Variants in PDE8A observed in about 807,000 individuals in gnomAD.
PDE8A encodes phosphodiesterase 8A, also known as high affinity cAMP-specific and IBMX-insensitive 3',5'-cyclic phosphodiesterase 8A.
A neutral mutation model predicts 105.0 loss-of-function variants in PDE8A; 59 were observed. The ratio of observed to expected loss-of-function variants is 0.56; its 90% CI spans 0.46 to 0.70. The LOEUF is 0.70. Ranked by LOEUF, PDE8A falls within the 30% of genes least tolerant of loss-of-function variation. PDE8A has a pLI of 0.00. For synonymous variants in PDE8A, 355 were observed against 371.9 expected, an observed-to-expected ratio of 0.95 and a Z score of 0.52; for missense variants, 1,014 against 1,045.9, an observed-to-expected ratio of 0.97 and a Z score of 0.42.
chr15:85,010,994 T>G (rs577781703), intron 1 of PDE8A, among the ~76,000 whole-genome samples: 1 of 152,222 alleles, frequency 6.6e-6, no homozygotes, highest in Admixed American at 6.5e-5. Context: ...AAATATGTCC[T>G]GGAAGTTAGT....
intron 1 of PDE8A, among the ~76,000 whole-genome samples, chr15:85,060,117 GTCT>G (rs1315268029): frequency 6.6e-6 from 1 of 152,072 alleles, no homozygotes; most frequent in East Asian, 1.9e-4. Flanking sequence ...TTTAATTACT[GTCT>G]TCTTTTGTGT....
At chr15:85,027,044 GTTCT>G (rs1206082787) in intron 1 of PDE8A, among the ~76,000 whole-genome samples, 1 of 152,130 alleles carries the variant, frequency 6.6e-6, no homozygotes, top group Non-Finnish European at 1.5e-5. Context: ...CTATTGTGTG[GTTCT>G]TTGTTATAAA....
chr15:84,992,281 G>A (rs1033860443), intron 1 of PDE8A, among the ~76,000 whole-genome samples: 1 of 152,136 alleles, frequency 6.6e-6, no homozygotes. Context: ...GGTATAGAAA[G>A]AGGAAAGGAG....
At chr15:85,061,399 A>G (rs62019477) in intron 1 of PDE8A, among the ~76,000 whole-genome samples, 3 of 151,210 alleles carry the variant, frequency 2.0e-5, no homozygotes, top group Non-Finnish European at 2.9e-5. Flanking sequence ...ACACCCAGCT[A>G]ATTTTTTTTT....
At chr15:85,062,523 T>C (rs1315000629) in intron 1 of PDE8A, 1 of 152,236 alleles carries the variant, frequency 6.6e-6, no homozygotes, top group African/African-American at 2.4e-5. Context: ...GGAGGGGGAA[T>C]GGCTTGCAAC....
intron 11 of PDE8A, among the ~76,000 whole-genome samples, chr15:85,102,353 C>CCT (rs1210297178): frequency 1.3e-5 from 2 of 152,110 alleles, no homozygotes; most frequent in African/African-American, 4.8e-5. Context: ...TTGTGCTTTG[C>CCT]ATTCAAGAGC....
At chr15:85,113,700 A>G (rs1411505300) in intron 13 of PDE8A, among the ~76,000 whole-genome samples, 173 bp from the exon 14 acceptor site, 3 of 152,118 alleles carry the variant, frequency 2.0e-5, no homozygotes, top group Admixed American at 2.0e-4. Context: ...TTTGTTTTTT[A>G]GAGATGTGCT....
intron 1 of PDE8A, among the ~76,000 whole-genome samples, chr15:85,056,115 T>G (rs1241523839): frequency 6.6e-6 from 1 of 152,192 alleles, no homozygotes; most frequent in Non-Finnish European, 1.5e-5. Context: ...ATTCTTTTCT[T>G]TAAGAATGTT....
intron 20 of PDE8A, among the ~76,000 whole-genome samples, chr15:85,134,241 C>A (rs973975668): frequency 2.0e-4 from 31 of 152,226 alleles, no homozygotes; most frequent in Admixed American, 1.6e-3. Flanking sequence ...GACAGAACAG[C>A]CTCTGGATGA....
At chr15:85,062,489 A>C (rs894699694) in intron 1 of PDE8A, 1 of 152,280 alleles carries the variant, frequency 6.6e-6, no homozygotes, top group African/African-American at 2.4e-5. Context: ...TAGCCCTTTA[A>C]ATCTCCTAGA....
chr15:84,994,338 G>T (rs548133033), intron 1 of PDE8A, among the ~76,000 whole-genome samples: 1 of 152,272 alleles, frequency 6.6e-6, no homozygotes, highest in East Asian at 1.9e-4. Flanking sequence ...TTTTTATTGA[G>T]TTATAAATGT....
chr15:85,121,688 T>A (rs1296634152), intron 18 of PDE8A, among the ~76,000 whole-genome samples: 1 of 152,082 alleles, frequency 6.6e-6, no homozygotes, highest in Non-Finnish European at 1.5e-5. Context: ...TTTTAGTATA[T>A]TCATAGAGTT....
At chr15:85,054,767 G>T (rs575551208) in intron 1 of PDE8A, among the ~76,000 whole-genome samples, 1 of 152,238 alleles carries the variant, frequency 6.6e-6, no homozygotes, top group South Asian at 2.1e-4. Context: ...ACCAGCTCCT[G>T]GATTCATTGA....
At chr15:85,054,819 G>A (rs1220345559) in intron 1 of PDE8A, among the ~76,000 whole-genome samples, 1 of 152,140 alleles carries the variant, frequency 6.6e-6, no homozygotes, top group Non-Finnish European at 1.5e-5. Flanking sequence ...CTTCAGTTCT[G>A]CTCTGATCTT....
intron 1 of PDE8A, among the ~76,000 whole-genome samples, chr15:85,039,836 G>A (rs1427381580): frequency 6.6e-6 from 1 of 152,158 alleles, no homozygotes; most frequent in Admixed American, 6.5e-5. Flanking sequence ...AATAAGCCAG[G>A]CACAGAGAGA....
chr15:85,019,410 C>CTTAA (rs1260491329), intron 1 of PDE8A, among the ~76,000 whole-genome samples: 3 of 152,030 alleles, frequency 2.0e-5, no homozygotes, highest in African/African-American at 7.2e-5. Context: ...TATGAGTGTT[C>CTTAA]TTAACACTTT....
intron 1 of PDE8A, among the ~76,000 whole-genome samples, chr15:85,028,602 T>TACTC (rs2080558180): frequency 1.3e-5 from 2 of 152,232 alleles, no homozygotes; most frequent in African/African-American, 4.8e-5. Context: ...AAAAGTGTTA[T>TACTC]CTATTCCTTG....
chr15:85,071,439 C>A (rs2081309285), intron 3 of PDE8A, among the ~76,000 whole-genome samples: 1 of 152,212 alleles, frequency 6.6e-6, no homozygotes, highest in Non-Finnish European at 1.5e-5. Flanking sequence ...GGGATATGGA[C>A]AGAGACATGG....
Position 85,138,121 on chromosome 15 carries a change from A to G in PDE8A, c.*218A>G. On this transcript the variant is annotated 3_prime_UTR_variant, in exon 22 of 22. Coordinates refer to ENST00000394553, the MANE Select transcript of PDE8A (RefSeq NM_002605.3). Reference sequence around the variant, plus strand: ...GGCCACTGTAGCCTGGGCCTGCTGCAGGAGCTCTTCAGAAAGGCACATGAG... The same window carrying G: ...GGCCACTGTAGCCTGGGCCTGCTGCGGGAGCTCTTCAGAAAGGCACATGAG... The G allele has an allele frequency of 2.1e-6, 1 of 483,946 alleles. No homozygotes were observed. The highest frequency in any genetic ancestry group is 3.7e-6 in the Non-Finnish European group (1 of 270,156). The allele number at this position is 483,946 out of a possible 1,614,324, so 30.0% of individuals were successfully genotyped here.
Sources: allele counts gnomAD v4.1 joint callset (sites outside exome capture counted in the v4.1 genomes callset), GRCh38; gene constraint gnomAD v4.1.1; transcripts MANE v1.5; gene names NCBI Gene and HGNC (gene_info 2026-07-23, HGNC 2026-07-21).